The following HPSE2 variants were observed in gnomAD, a reference collection of about 807,000 sequenced individuals.
HPSE2 encodes inactive heparanase-2.
A neutral mutation model predicts 60.5 loss-of-function variants in HPSE2; 38 were observed. That is an observed-to-expected ratio of 0.63 (90% CI 0.48 to 0.82). The LOEUF (loss-of-function observed/expected upper bound fraction) is 0.82. Among genes scored for constraint, HPSE2 ranks in the 40% least tolerant of loss-of-function variants. The pLI is 0.00. For synonymous variants in HPSE2, 295 were observed against 293.2 expected, an observed-to-expected ratio of 1.01 and a Z score of -0.06; for missense variants, 713 against 740.4, an observed-to-expected ratio of 0.96 and a Z score of 0.43.
At chr10:98,589,483 C>T (rs1945029012) in intron 9 of HPSE2, among the ~76,000 whole-genome samples, 1 of 152,198 alleles carries the variant, frequency 6.6e-6, no homozygotes, top group Non-Finnish European at 1.5e-5. Context: ...CCTGGCTCAT[C>T]ACTTTTTAGC....
At chr10:99,035,945 C>A (rs1387164085) in intron 3 of HPSE2, among the ~76,000 whole-genome samples, 1 of 152,200 alleles carries the variant, frequency 6.6e-6, no homozygotes, top group Admixed American at 6.5e-5. Flanking sequence ...AGCCTGGTGG[C>A]CTATGCCTGT....
At chr10:98,563,130 A>T (rs1159914011) in intron 9 of HPSE2, among the ~76,000 whole-genome samples, 1 of 152,212 alleles carries the variant, frequency 6.6e-6, no homozygotes, top group Non-Finnish European at 1.5e-5. Context: ...CTTGTACACA[A>T]ATGTTCATAA....
chr10:98,573,904 T>A (rs114711110), intron 9 of HPSE2, among the ~76,000 whole-genome samples: 1 of 152,168 alleles, frequency 6.6e-6, no homozygotes, highest in Non-Finnish European at 1.5e-5. Flanking sequence ...TAATTCACAT[T>A]CCATGTAATT....
chr10:98,482,102 C>T (rs1056142934), intron 11 of HPSE2, among the ~76,000 whole-genome samples: 1 of 152,124 alleles, frequency 6.6e-6, no homozygotes, highest in African/African-American at 2.4e-5. Context: ...GTGCTCAAGT[C>T]ATAAAGTTAG....
At chr10:99,193,979 T>C (rs1848309144) in intron 2 of HPSE2, among the ~76,000 whole-genome samples, 1 of 152,098 alleles carries the variant, frequency 6.6e-6, no homozygotes, top group Non-Finnish European at 1.5e-5. Flanking sequence ...AGAATACATA[T>C]TCTTATCCTC....
chr10:98,929,981 C>T (rs959318051), intron 3 of HPSE2, among the ~76,000 whole-genome samples: 1 of 143,270 alleles, frequency 7.0e-6, no homozygotes, highest in African/African-American at 2.9e-5. Flanking sequence ...TATATGAGTG[C>T]TTTTTTAAAA....
chr10:98,863,305 G>T (rs1272350365), intron 3 of HPSE2, among the ~76,000 whole-genome samples: 2 of 152,064 alleles, frequency 1.3e-5, no homozygotes, highest in East Asian at 3.8e-4. Context: ...GGTCTTGTCA[G>T]TAATTCCAGT....
At chr10:98,623,972 A>G (rs1946139634) in intron 7 of HPSE2, among the ~76,000 whole-genome samples, 1 of 152,198 alleles carries the variant, frequency 6.6e-6, no homozygotes, top group South Asian at 2.1e-4. Context: ...ATATATAAAC[A>G]TGAGGCTAGA....
chr10:98,555,081 T>C (rs1038015948), intron 9 of HPSE2, among the ~76,000 whole-genome samples: 6 of 152,224 alleles, frequency 3.9e-5, no homozygotes, highest in Admixed American at 6.5e-5. Flanking sequence ...TAACTTCCTA[T>C]GCCACTAATG....
intron 9 of HPSE2, among the ~76,000 whole-genome samples, chr10:98,511,464 C>A (rs1942393711): frequency 6.6e-6 from 1 of 151,558 alleles, no homozygotes; most frequent in Non-Finnish European, 1.5e-5. Flanking sequence ...GTTGCTGTTT[C>A]TTTTTATTAA....
chr10:99,291,927 C>T, the HPSE2 span, among the ~76,000 whole-genome samples: 1 of 152,126 alleles, frequency 6.6e-6, no homozygotes, highest in Non-Finnish European at 1.5e-5. Flanking sequence ...TGAGAAAGGC[C>T]TGCACAGGTG....
At chr10:99,182,086 T>A (rs1847800644) in intron 2 of HPSE2, among the ~76,000 whole-genome samples, 1 of 152,216 alleles carries the variant, frequency 6.6e-6, no homozygotes, top group South Asian at 2.1e-4. Flanking sequence ...TCTGTTGTGA[T>A]TAATAAATGT....
intron 3 of HPSE2, among the ~76,000 whole-genome samples, chr10:99,014,550 G>T (rs1440882970): frequency 1.3e-5 from 2 of 152,124 alleles, no homozygotes; most frequent in African/African-American, 4.8e-5. Flanking sequence ...CACAATGGTT[G>T]AACTATTTAC....
chr10:99,152,496 CAT>C (rs1351482467), intron 2 of HPSE2, among the ~76,000 whole-genome samples: 2 of 152,104 alleles, frequency 1.3e-5, no homozygotes, highest in Non-Finnish European at 2.9e-5. Context: ...TTCTCTTTTA[CAT>C]GTTTTAAAAA....
intron 4 of HPSE2, among the ~76,000 whole-genome samples, chr10:98,739,356 C>A (rs1949437527): frequency 6.6e-6 from 1 of 150,930 alleles, no homozygotes; most frequent in African/African-American, 2.4e-5. Context: ...ATCATTAGGA[C>A]AAATACCTAG....
chr10:99,000,266 A>G (rs936230299), intron 3 of HPSE2, among the ~76,000 whole-genome samples: 2 of 152,152 alleles, frequency 1.3e-5, no homozygotes, highest in African/African-American at 4.8e-5. Context: ...TAAGAAATTT[A>G]GAAGAATGGA....
At chr10:99,135,218 A>G (rs773858361) in intron 3 of HPSE2, among the ~76,000 whole-genome samples, 4 of 152,240 alleles carry the variant, frequency 2.6e-5, no homozygotes, top group African/African-American at 4.8e-5. Context: ...AAGTTCTTAG[A>G]GACCTACAAA....
the HPSE2 span, among the ~76,000 whole-genome samples, chr10:99,310,009 C>G: frequency 6.6e-6 from 1 of 152,188 alleles, no homozygotes; most frequent in African/African-American, 2.4e-5. Context: ...TCCAAAAGCC[C>G]TAGGGGAAAA....
At chr10:98,637,911 G>A (rs1248637332) in intron 7 of HPSE2, among the ~76,000 whole-genome samples, 1 of 152,034 alleles carries the variant, frequency 6.6e-6, no homozygotes, top group African/African-American at 2.4e-5. Flanking sequence ...GGCCAAGGCG[G>A]GTGGATTGCC....
Sources: allele counts gnomAD v4.1 joint callset (sites outside exome capture counted in the v4.1 genomes callset), GRCh38; gene constraint gnomAD v4.1.1; transcripts MANE v1.5; gene names NCBI Gene and HGNC (gene_info 2026-07-23, HGNC 2026-07-21).